Variants in CROCC2 observed in about 807,000 individuals in gnomAD.
CROCC2 encodes ciliary rootlet coiled-coil, rootletin family member 2, also known as ciliary rootlet coiled-coil protein 2.
Under a neutral mutation model 177.6 loss-of-function variants are expected in CROCC2, and 163 were observed. The observed-to-expected ratio is 0.92, with a 90% CI of 0.81 to 1.05. CROCC2 has a LOEUF of 1.05. Among genes scored for constraint, CROCC2 ranks in the 50% least tolerant of loss-of-function variants. The probability of loss-of-function intolerance (pLI) is 0.00; values close to 1 mark genes in which losing one functional copy is unlikely to be tolerated. For synonymous variants in CROCC2, 904 were observed against 787.3 expected (o/e 1.15, Z -2.48); for missense variants, 1,929 against 1,797.8 (o/e 1.07, Z -1.32).
chr2:240,933,384 T>C (rs927938711), intron 10 of CROCC2, 42 bp downstream of exon 10: 3 of 1,450,474 alleles, frequency 2.1e-6, no homozygotes, highest in Admixed American at 4.9e-5. Context: ...ACAGGGTGTA[T>C]GGGATCCTGA....
At position 240,970,618 on chromosome 2, in the gene CROCC2, G is replaced by GCTTC. The variant is rs1574788897; in HGVS notation, c.4401+2358_4401+2361dup. On this transcript the variant is annotated intron_variant, in intron 27 of 31. Coordinates refer to ENST00000690015, the MANE Select transcript of CROCC2 (RefSeq NM_001351305.2). Reference sequence around the variant, plus strand: ...TGTCCCTTCCCTTCCCAGCTGCACTGCTTCCACCTGCGCCCTAGGAGCTAA... The same window carrying GCTTC: ...TGTCCCTTCCCTTCCCAGCTGCACTGCTTCCTTCCACCTGCGCCCTAGGAGCTAA... 2.0e-5 allele frequency among the ~76,000 whole-genome samples: 3 copies of GCTTC among 152,162 alleles called. No homozygotes were observed. The East Asian group carries it at 5.8e-4, about 29-fold the overall frequency.
At position 240,918,509 on chromosome 2, in the gene CROCC2, C is replaced by T. The variant is rs2059334379; in HGVS notation, c.79-217C>T. On this transcript the variant is annotated intron_variant, in intron 1 of 31. Coordinates refer to ENST00000690015, the MANE Select transcript of CROCC2 (RefSeq NM_001351305.2). This position sits in a 1 kb window ranked among gnomAD's most constrained non-coding sequence, Gnocchi z 6.3. ...CTGCTGACCTCGGCTGGGTGTGGTC[C>T]TCCTCTCCAGAACCTGGGGACAGGC... 6.6e-6 allele frequency among the ~76,000 whole-genome samples: 1 copy of T among 152,196 alleles called. No homozygotes were observed. The highest frequency in any genetic ancestry group is 1.5e-5 in the Non-Finnish European group (1 of 68,030).
intron 3 of CROCC2, among the ~76,000 whole-genome samples, chr2:240,921,145 G>A (rs1243519222): frequency 2.6e-5 from 4 of 152,194 alleles, no homozygotes; most frequent in African/African-American, 7.2e-5. Flanking sequence ...AGTACTGAAT[G>A]CCTGAGGGGT....
chr2:240,923,434 C>G (rs1445256361), intron 4 of CROCC2, among the ~76,000 whole-genome samples: 1 of 148,336 alleles, frequency 6.7e-6, no homozygotes, highest in Non-Finnish European at 1.5e-5. Flanking sequence ...CGGCCCCCAC[C>G]CTGCCTGTAC....
Position 240,959,442 on chromosome 2 carries a change from G to A in CROCC2, c.3085G>A (p.Glu1029Lys), listed in dbSNP as rs1485860934. Residue 1029 changes from glutamate (E) to lysine (K), a missense_variant and splice_region_variant, in exon 20 of 32, where the codon GAG (glutamate) becomes AAG (lysine). By Grantham distance (56) the Glu-to-Lys change is moderately conservative. Transcript: ENST00000690015. ...GGCTGAGCGGGGCGATGTGGAGAGA[G>A]AGGTGAGAGGCAGGGCTGGGGGGCT... ...LAAERGDVER[E>K]AERLRAQLTV... 5.8e-6 allele frequency: 9 copies of A among 1,550,086 alleles called. No individual in the cohort carries two copies. The highest frequency in any genetic ancestry group is 1.4e-5 in the African/African-American group (1 of 73,042).
rs959126390 is a variant in CROCC2 at position 240,949,070 on chromosome 2, G to A, written c.2455G>A (p.Ala819Thr). ...GCAGCTGGAGGAGGAAGCCCGGAGC[G>A]CAGGACTCGCGCGGCAGGCCTTGCA... ...QEQLEEEARS[A>T]GLARQALQVE... is the part of the protein sequence containing the mutation. The change falls in exon 16 of 32, where the codon GCA (alanine) becomes ACA (threonine). Residue 819 changes from alanine to threonine, a missense_variant. By Grantham distance (58) the Ala-to-Thr change is moderately conservative. Transcript: ENST00000690015. This position sits in a 1 kb window ranked among gnomAD's most constrained non-coding sequence, Gnocchi z 4.5. The A allele has an allele frequency of 3.3e-5, 51 of 1,547,084 alleles. No homozygotes were observed. The highest frequency in any genetic ancestry group is 1.7e-4 in the South Asian group (14 of 83,754).
chr2:240,949,818 G>A lies in CROCC2; in HGVS notation c.2652+116G>A. 9.0e-7 allele frequency: 1 copy of A among 1,113,452 alleles called. No individual in the cohort carries two copies. The allele number at this position is 1,113,452 out of a possible 1,614,324, so 69.0% of individuals were successfully genotyped here. A position where few individuals can be genotyped will look rare whatever the true frequency, so the allele number is the denominator to read the frequency against. On this transcript the variant is annotated intron_variant, in intron 17 of 31. Coordinates refer to ENST00000690015, the MANE Select transcript of CROCC2 (RefSeq NM_001351305.2). This position sits in a 1 kb window ranked among gnomAD's most constrained non-coding sequence, Gnocchi z 4.5. ...ACAGAGCTCAGAGACATAGGCGCCTGGCCAGGGCTGGGCAAGGACCAGCTC... is the reference window on the plus strand; with the variant it reads ...ACAGAGCTCAGAGACATAGGCGCCTAGCCAGGGCTGGGCAAGGACCAGCTC...
Position 240,988,840 on chromosome 2 carries a change from C to T in CROCC2, c.4653C>T (p.Asp1551=), listed in dbSNP as rs546637155. 129 of 1,500,548 alleles carry T rather than the reference C, an allele frequency of 8.6e-5. No homozygotes were observed. The South Asian group carries it at 9.9e-4, about 12-fold the overall frequency. 93.0% of individuals were successfully genotyped at this position (1,500,548 alleles called of 1,614,324 possible). A position where few individuals can be genotyped will look rare whatever the true frequency, so the allele number is the denominator to read the frequency against. The stretch of plus-strand genomic sequence containing the variant: ...TGAACAGCCTGCACCAGGAGGTGGA[C>T]GGAGCCCTGAGGCAAAATCAGCAGC... ...QSLNSLHQEV[D]GALRQNQQLQ... The change falls in exon 29 of 32, where the codon GAC becomes GAT. Residue 1551 remains aspartate (D), a synonymous_variant. Coordinates refer to ENST00000690015, the MANE Select transcript of CROCC2 (RefSeq NM_001351305.2).
At chr2:240,980,809 G>T (rs80343648) in intron 27 of CROCC2, among the ~76,000 whole-genome samples, 1 of 18,194 alleles carries the variant, frequency 5.5e-5, no homozygotes, top group Non-Finnish European at 9.4e-5. Context: ...AGCCTCAGGA[G>T]CCCAGGCTCA....
chr2:240,934,854 G>C, intron 12 of CROCC2, 62 bp from the exon 13 acceptor site: 2 of 1,422,010 alleles, frequency 1.4e-6, no homozygotes, highest in South Asian at 3.1e-5. Context: ...TCCTTTCCCA[G>C]CGGCAACAGC....
intron 5 of CROCC2, among the ~76,000 whole-genome samples, chr2:240,926,927 C>T (rs1020056303): frequency 6.6e-6 from 1 of 152,256 alleles, no homozygotes; most frequent in Non-Finnish European, 1.5e-5. Context: ...GGTCCCTGTC[C>T]TTGGACCGCT....
intron 5 of CROCC2, among the ~76,000 whole-genome samples, chr2:240,927,790 AC>A (rs1312953847): frequency 3.3e-5 from 5 of 152,168 alleles, no homozygotes; most frequent in Non-Finnish European, 7.3e-5. Context: ...AGTTGGGATT[AC>A]AGGCGTGTGC....
chr2:240,920,047 G>A lies in CROCC2; in HGVS notation c.294G>A (p.Glu98=), dbSNP rs767105648. Residue 98 remains glutamate (E), a synonymous_variant, in exon 3 of 32, where the codon GAG becomes GAA. Coordinates refer to ENST00000690015, the MANE Select transcript of CROCC2 (RefSeq NM_001351305.2). ...RVQEENELLQ[E]ELTRLGDLLA... ...AAGAGGAGAACGAGCTCCTGCAGGA[G>A]GAGCTGACCCGGCTGGGGGACCTGC... The A allele has an allele frequency of 5.9e-5, 42 of 716,394 alleles. 3 individuals are homozygous for A. In the South Asian group the frequency reaches 5.9e-4, roughly 10 times the overall value. The allele number at this position is 716,394 out of a possible 1,614,324, so 44.4% of individuals were successfully genotyped here.
chr2:240,974,214 T>C (rs971109856), intron 27 of CROCC2, among the ~76,000 whole-genome samples: 2 of 152,238 alleles, frequency 1.3e-5, no homozygotes, highest in African/African-American at 4.8e-5. Flanking sequence ...TTTCTTTCCC[T>C]TAATCTGATT....
intron 29 of CROCC2, 125 bp from the exon 30 acceptor site, chr2:240,989,529 T>A: frequency 4.4e-6 from 4 of 919,082 alleles, no homozygotes; most frequent in Non-Finnish European, 4.8e-6. Flanking sequence ...CCTGGCCAGG[T>A]CAACACCGGC....
chr2:240,974,082 GCTTA>G lies in CROCC2; in HGVS notation c.4401+5821_4401+5824del, dbSNP rs1158112375. On this transcript the variant is annotated intron_variant, in intron 27 of 31. Transcript: ENST00000690015. The stretch of plus-strand genomic sequence containing the variant: ...TTGCCAAAGACCTGCACATACGTCT[GCTTA>G]GCATCATCTTCGTTATATACATGGT... Among the ~76,000 whole-genome samples the G allele has an allele frequency of 2.6e-5, 4 of 152,160 alleles. No homozygotes were observed. In the East Asian group the frequency reaches 7.7e-4, roughly 29 times the overall value.
intron 27 of CROCC2, among the ~76,000 whole-genome samples, chr2:240,970,860 G>A (rs1018911616): frequency 2.6e-5 from 4 of 152,170 alleles, no homozygotes; most frequent in African/African-American, 9.7e-5. Context: ...TCCCATAGGT[G>A]AGAAGCCTGG....
At chr2:240,990,814 C>T (rs2059874036) in intron 30 of CROCC2, among the ~76,000 whole-genome samples, 1 of 152,188 alleles carries the variant, frequency 6.6e-6, no homozygotes, top group Non-Finnish European at 1.5e-5. Context: ...AAACTCCTGA[C>T]CTCAGGTGAT....
At chr2:240,910,173 G>A (rs1005648507) in intron 1 of CROCC2, among the ~76,000 whole-genome samples, 11 of 152,266 alleles carry the variant, frequency 7.2e-5, no homozygotes, top group East Asian at 1.9e-4. Context: ...TGAGCAAGTC[G>A]GACTTGGGGA....
Sources: allele counts gnomAD v4.1 joint callset (sites outside exome capture counted in the v4.1 genomes callset), GRCh38; gene constraint gnomAD v4.1.1; non-coding constraint Gnocchi (gnomAD v3.1); transcripts MANE v1.5; gene names NCBI Gene and HGNC (gene_info 2026-07-23, HGNC 2026-07-21).